EGFR: variants seen among roughly 807,000 people sequenced by gnomAD.
EGFR encodes the protein avian erythroblastic leukemia viral (v-erb-b) oncogene homolog.
In EGFR, 58 loss-of-function variants were observed where a neutral mutation model predicts 143.0. That is an observed-to-expected ratio of 0.41 (90% confidence interval 0.33 to 0.50). EGFR has a LOEUF of 0.50. Ranked by LOEUF, EGFR falls within the 20% of genes least tolerant of loss-of-function variation. The pLI is 0.39. For missense variants in EGFR, 1,307 were observed against 1,579.0 expected (o/e 0.83, Z 2.92); for synonymous variants, 613 against 594.4 (o/e 1.03, Z -0.45).
intron 20 of EGFR, among the ~76,000 whole-genome samples, chr7:55,185,873 G>A (rs138683125): frequency 4.5e-4 from 69 of 152,340 alleles, no homozygotes; most frequent in African/African-American, 1.6e-3. Context: ...CAAAGAAAAC[G>A]TCAAAGGCTC....
At chr7:55,125,495 G>A (rs1325675683) in intron 1 of EGFR, among the ~76,000 whole-genome samples, 3 of 152,222 alleles carry the variant, frequency 2.0e-5, no homozygotes, top group Admixed American at 1.3e-4. Context: ...CAGCTTTGGG[G>A]TGCCAGCTCC....
Position 55,155,941 on chromosome 7 carries a change from G to T in EGFR, c.1001G>T (p.Arg334Leu), listed in dbSNP as rs771929085. The change falls in exon 8 of 28, where the codon CGC becomes CTC. Residue 334 changes from arginine to leucine, a missense_variant. Arg to Leu is a moderately radical substitution (Grantham distance 102). Around this residue, in one of 7 missense-constraint regions of EGFR, gnomAD observed 311 missense variants for 412.3 expected, o/e 0.75. Coordinates refer to ENST00000275493, the MANE Select transcript of EGFR (RefSeq NM_005228.5). Reference protein sequence around the residue: ...RKCKKCEGPCRKVCNGIGIGE... With the variant: ...RKCKKCEGPCLKVCNGIGIGE... ...TGTAAGAAGTGCGAAGGGCCTTGCCGCAAAGGTAGGAAGCCCGCCGGTGTG... is the reference window on the plus strand; with the variant it reads ...TGTAAGAAGTGCGAAGGGCCTTGCCTCAAAGGTAGGAAGCCCGCCGGTGTG... 3 of 1,611,162 alleles carry T rather than the reference G, an allele frequency of 1.9e-6. No individual in the cohort carries two copies. Among genetic ancestry groups the T allele is most frequent in the Non-Finnish European group, 2.5e-6 (3 of 1,178,526 alleles).
intron 1 of EGFR, among the ~76,000 whole-genome samples, chr7:55,062,879 G>A (rs937357058): frequency 5.9e-5 from 9 of 152,004 alleles, no homozygotes; most frequent in African/African-American, 2.2e-4. Flanking sequence ...TTACCATGTG[G>A]TGGATGCCCG....
intron 27 of EGFR, among the ~76,000 whole-genome samples, chr7:55,204,481 A>T (rs1788017222): frequency 6.7e-6 from 1 of 148,300 alleles, no homozygotes; most frequent in South Asian, 2.2e-4. Flanking sequence ...CACACACCAC[A>T]CACACACCAC....
At position 55,200,666 on chromosome 7, in the gene EGFR, C is replaced by T. The variant is rs567737146; in HGVS notation, c.2946+253C>T. On this transcript the variant is annotated intron_variant, in intron 24 of 27. Coordinates refer to ENST00000275493, the MANE Select transcript of EGFR (RefSeq NM_005228.5). ...TCCTCTGGTGCTCGTCCTCACTGTCCGGCTAGCCAAAGCCTCAGCTGGGTC... is the reference window on the plus strand; with the variant it reads ...TCCTCTGGTGCTCGTCCTCACTGTCTGGCTAGCCAAAGCCTCAGCTGGGTC... 2.8e-5 allele frequency: 16 copies of T among 569,600 alleles called. 1 individual carries two copies. Among genetic ancestry groups the T allele is most frequent in the Middle Eastern group, 4.7e-4 (1 of 2,122 alleles). The allele number at this position is 569,600 out of a possible 1,614,324, so 35.3% of individuals were successfully genotyped here. A position where few individuals can be genotyped will look rare whatever the true frequency, so the allele number is the denominator to read the frequency against.
chr7:55,202,902 CTG>C (rs747207837), intron 27 of EGFR: 6 of 646,228 alleles, frequency 9.3e-6, no homozygotes, highest in Non-Finnish European at 1.7e-5. Flanking sequence ...ACATACACAT[CTG>C]TGTGTGTGAG....
At chr7:55,113,999 G>C (rs1054537706) in intron 1 of EGFR, among the ~76,000 whole-genome samples, 2 of 152,216 alleles carry the variant, frequency 1.3e-5, no homozygotes, top group African/African-American at 4.8e-5. Flanking sequence ...TGTGGCCAGG[G>C]TGGGAAGCAC....
At chr7:55,187,308 C>T (rs1787182350) in intron 20 of EGFR, among the ~76,000 whole-genome samples, 1 of 59,588 alleles carries the variant, frequency 1.7e-5, no homozygotes. Context: ...GGTGCTATCT[C>T]TACATAAACT....
chr7:55,042,432 G>A (rs1787948611), intron 1 of EGFR, among the ~76,000 whole-genome samples: 1 of 152,116 alleles, frequency 6.6e-6, no homozygotes, highest in Non-Finnish European at 1.5e-5. Context: ...AAAGAAAATG[G>A]AATTTCACGG....
chr7:55,169,342 C>T (rs1380168789), intron 15 of EGFR, among the ~76,000 whole-genome samples: 1 of 152,184 alleles, frequency 6.6e-6, no homozygotes, highest in Non-Finnish European at 1.5e-5. Flanking sequence ...AAGTGATCCA[C>T]ACACCTTGGC....
chr7:55,069,775 C>T (rs1218693353), intron 1 of EGFR, among the ~76,000 whole-genome samples: 1 of 152,180 alleles, frequency 6.6e-6, no homozygotes, highest in Non-Finnish European at 1.5e-5. Context: ...TGCATAGACT[C>T]TAGTGTTAAA....
chr7:55,120,785 T>TG (rs1793155145), intron 1 of EGFR, among the ~76,000 whole-genome samples: 1 of 152,214 alleles, frequency 6.6e-6, no homozygotes, highest in East Asian at 1.9e-4. Flanking sequence ...CATATTCCTA[T>TG]TTTTAATTGT....
At chr7:55,051,653 A>G (rs1226722241) in intron 1 of EGFR, among the ~76,000 whole-genome samples, 3 of 152,132 alleles carry the variant, frequency 2.0e-5, no homozygotes. Context: ...ATGGACTAAG[A>G]CAATCTTCTT....
rs1161834426 is a variant in EGFR, at chr7:55,202,578, G to A, written c.3224G>A (p.Gly1075Asp). 1 of 1,613,524 alleles carries A rather than the reference G, an allele frequency of 6.2e-7. No homozygotes were observed. The highest frequency in any genetic ancestry group is 1.1e-5 in the South Asian group (1 of 90,910). The change falls in exon 27 of 28, where the codon GGC becomes GAC. Residue 1075 changes from glycine (G) to aspartate (D), a missense_variant. Coordinates refer to ENST00000275493, the MANE Select transcript of EGFR (RefSeq NM_005228.5). ...FLQRYSSDPT[G>D]ALTEDSIDDT... The stretch of plus-strand genomic sequence containing the variant: ...CAGCGATACAGCTCAGACCCCACAG[G>A]CGCCTTGACTGAGGACAGCATAGAC...
At chr7:55,092,545 C>G (rs1791189892) in intron 1 of EGFR, among the ~76,000 whole-genome samples, 1 of 152,126 alleles carries the variant, frequency 6.6e-6, no homozygotes, top group South Asian at 2.1e-4. Context: ...TAAAATGACT[C>G]TGATTTTCAT....
chr7:55,080,381 A>AG (rs1790394897), intron 1 of EGFR, among the ~76,000 whole-genome samples: 1 of 151,814 alleles, frequency 6.6e-6, no homozygotes, highest in Non-Finnish European at 1.5e-5. Context: ...AAAAAAAAAA[A>AG]GAAGGAAATC....
At chr7:55,196,178 A>ATTTTTGTTTTTTTTTTTTTTTTTT (rs1787604849) in intron 22 of EGFR, among the ~76,000 whole-genome samples, 1 of 88,126 alleles carries the variant, frequency 1.1e-5, no homozygotes, top group Non-Finnish European at 2.0e-5. Context: ...ATGTGTTGGG[A>ATTTTTGTTTTTTTTTTTTTTTTTT]TTTTTTTTTT....
rs61541412 is a variant in EGFR at position 55,196,178 on chromosome 7, A to ATTTTTTTTTTTTTTTTTTT, written c.2702-2524_2702-2523insTTTTTTTTTTTTTTTTTTT. 6.9e-4 allele frequency among the ~76,000 whole-genome samples: 61 copies of ATTTTTTTTTTTTTTTTTTT among 88,102 alleles called. 1 individual carries two copies. Among genetic ancestry groups the ATTTTTTTTTTTTTTTTTTT allele is most frequent in the African/African-American group, 1.3e-3 (26 of 20,348 alleles). 57.8% of individuals were successfully genotyped at this position (88,102 alleles called of 152,430 possible). Reference sequence around the variant, plus strand: ...CACAACCTCACCAGCATGTGTTGGGATTTTTTTTTTTTTTTACTTTTCAAT... The same window carrying ATTTTTTTTTTTTTTTTTTT: ...CACAACCTCACCAGCATGTGTTGGGATTTTTTTTTTTTTTTTTTTTTTTTTTTTTTTTTTACTTTTCAAT... On this transcript the variant is annotated intron_variant, in intron 22 of 27. Transcript: ENST00000275493.
At chr7:55,055,881 A>G (rs1788783281) in intron 1 of EGFR, among the ~76,000 whole-genome samples, 1 of 152,038 alleles carries the variant, frequency 6.6e-6, no homozygotes, top group South Asian at 2.1e-4. Context: ...AGCGTCTTCC[A>G]CTTGCCATGT....
Sources: allele counts gnomAD v4.1 joint callset (sites outside exome capture counted in the v4.1 genomes callset), GRCh38; gene constraint gnomAD v4.1.1; regional missense constraint gnomAD v4.1.1; transcripts MANE v1.5; gene names NCBI Gene and HGNC (gene_info 2026-07-23, HGNC 2026-07-21).